The following NTN1 variants were observed in gnomAD, a reference collection of about 807,000 sequenced individuals.
NTN1 encodes the protein netrin-1.
NTN1 carries 11 observed loss-of-function variants against 54.2 expected under a neutral mutation model. The ratio of observed to expected loss-of-function variants is 0.20; its 90% CI spans 0.13 to 0.34. NTN1 has a LOEUF of 0.34. NTN1 is among the 10% of genes least tolerant of loss of function. The pLI is 1.00. For missense variants in NTN1, 740 were observed against 893.1 expected (o/e 0.83, Z 2.18); for synonymous variants, 371 against 382.0 (o/e 0.97, Z 0.33).
chr17:9,104,125 T>C (rs1160906689), intron 2 of NTN1, among the ~76,000 whole-genome samples: 1 of 145,710 alleles, frequency 6.9e-6, no homozygotes, highest in Non-Finnish European at 1.5e-5. Context: ...AAGTACCGTA[T>C]GATTCCACTT....
intron 5 of NTN1, among the ~76,000 whole-genome samples, chr17:9,189,903 G>A (rs946743479): frequency 6.6e-6 from 1 of 152,184 alleles, no homozygotes; most frequent in East Asian, 1.9e-4. Context: ...AGAACAGTTA[G>A]CAGAGCTCAG....
chr17:9,125,779 T>C (rs188438083), intron 2 of NTN1, among the ~76,000 whole-genome samples: 150 of 152,296 alleles, frequency 9.8e-4, no homozygotes, highest in Middle Eastern at 3.4e-3. Context: ...CTCTTTCATC[T>C]TTTTTTATAT....
At chr17:9,130,451 C>T (rs1260334335) in intron 2 of NTN1, among the ~76,000 whole-genome samples, 1 of 152,064 alleles carries the variant, frequency 6.6e-6, no homozygotes, top group Non-Finnish European at 1.5e-5. Flanking sequence ...TGAGAGGCCC[C>T]GTGTCTGTCC....
At chr17:9,064,992 A>G (rs1244741680) in intron 2 of NTN1, among the ~76,000 whole-genome samples, 2 of 152,244 alleles carry the variant, frequency 1.3e-5, no homozygotes, top group East Asian at 3.9e-4. Flanking sequence ...GCTGGAGTGC[A>G]GTGGTGCAAT....
rs958751843 is a variant in NTN1, at chr17:9,083,308, C to T, written c.1018+59917C>T. On this transcript the variant is annotated intron_variant, in intron 2 of 6. Transcript: ENST00000173229. ...GAAGGGTTTCACCATGTTGGCCAGG[C>T]TGGTCTCGAACTCCTGACCTCAGGT... is the stretch of plus-strand genomic sequence containing the variant. 5.9e-5 allele frequency among the ~76,000 whole-genome samples: 9 copies of T among 152,326 alleles called. No homozygotes were observed. In the South Asian group the frequency reaches 1.9e-3, roughly 32 times the overall value.
chr17:9,005,656 C>T, the NTN1 span, among the ~76,000 whole-genome samples: 2 of 152,302 alleles, frequency 1.3e-5, no homozygotes, highest in South Asian at 4.1e-4. Context: ...GTTCTATGTG[C>T]GTCACATATG....
chr17:9,068,007 G>A (rs946982756), intron 2 of NTN1, among the ~76,000 whole-genome samples: 3 of 152,176 alleles, frequency 2.0e-5, no homozygotes, highest in African/African-American at 7.2e-5. Context: ...TGAGGAGTTT[G>A]AGTCCAGCCT....
chr17:9,015,538 C>A, the NTN1 span, among the ~76,000 whole-genome samples: 4 of 152,192 alleles, frequency 2.6e-5, no homozygotes, highest in Non-Finnish European at 4.4e-5. Flanking sequence ...TCCCTCCTCA[C>A]AAACATTAGC....
intron 2 of NTN1, among the ~76,000 whole-genome samples, chr17:9,081,549 C>T (rs1044984807): frequency 6.6e-6 from 1 of 152,176 alleles, no homozygotes; most frequent in African/African-American, 2.4e-5. Flanking sequence ...CCTCCACCCC[C>T]AAACCCACCT....
At chr17:9,177,446 C>T (rs1358378706) in intron 3 of NTN1, 1 of 152,262 alleles carries the variant, frequency 6.6e-6, no homozygotes, top group Non-Finnish European at 1.5e-5. Flanking sequence ...CGTGCAGTGA[C>T]CGAGCAACCT....
intron 2 of NTN1, among the ~76,000 whole-genome samples, chr17:9,026,512 G>A (rs1461290981): frequency 6.6e-6 from 1 of 152,048 alleles, no homozygotes; most frequent in Non-Finnish European, 1.5e-5. Context: ...TGTATCAGCA[G>A]TGTTCACATG....
chr17:9,058,449 T>C (rs1178830527), intron 2 of NTN1, among the ~76,000 whole-genome samples: 2 of 151,254 alleles, frequency 1.3e-5, no homozygotes, highest in East Asian at 3.9e-4. Context: ...TAGGGAATTA[T>C]GTACGTTTCT....
At chr17:9,086,250 C>G (rs944283642) in intron 2 of NTN1, among the ~76,000 whole-genome samples, 8 of 152,164 alleles carry the variant, frequency 5.3e-5, no homozygotes, top group Admixed American at 2.0e-4. Flanking sequence ...TGCCTGTTGT[C>G]CCAGCTGCTG....
At position 9,239,602 on chromosome 17, in the gene NTN1, A is replaced by C. The variant is rs1403297464; in HGVS notation, c.1487-38A>C. On this transcript the variant is annotated intron_variant, in intron 6 of 6. Transcript: ENST00000173229. This position sits in a 1 kb window ranked among gnomAD's most constrained non-coding sequence, Gnocchi z 5.2. ...CAGGCAGGGCGGACCTAGCCACAGC[A>C]GCTGGGAGCCCACCCGTCTGCCTGT... The C allele has an allele frequency of 2.5e-6, 4 of 1,589,262 alleles. No individual in the cohort carries two copies. The highest frequency in any genetic ancestry group is 3.4e-6 in the Non-Finnish European group (4 of 1,161,952).
intron 2 of NTN1, among the ~76,000 whole-genome samples, chr17:9,061,168 G>T (rs2091997044): frequency 6.6e-6 from 1 of 152,152 alleles, no homozygotes; most frequent in African/African-American, 2.4e-5. Flanking sequence ...GAGCCCCATG[G>T]TTTCTAGGGA....
At chr17:9,126,491 A>C (rs1432450559) in intron 2 of NTN1, among the ~76,000 whole-genome samples, 1 of 152,100 alleles carries the variant, frequency 6.6e-6, no homozygotes, top group Non-Finnish European at 1.5e-5. Flanking sequence ...AGCCTGGGTG[A>C]CAAGAGCGAA....
At position 9,157,069 on chromosome 17, in the gene NTN1, C is replaced by A. The variant is rs543629149; in HGVS notation, c.1019-5744C>A. Among the ~76,000 whole-genome samples the A allele has an allele frequency of 5.3e-5, 8 of 151,892 alleles. No homozygotes were observed. The East Asian group carries it at 1.6e-3, about 30-fold the overall frequency. On this transcript the variant is annotated intron_variant, in intron 2 of 6. Transcript: ENST00000173229. ...TTCATCCTTCCATTCATTCATCCATCCATCTATCTTCTCTCTTGTTTGCTT... is the reference window on the plus strand; with the variant it reads ...TTCATCCTTCCATTCATTCATCCATACATCTATCTTCTCTCTTGTTTGCTT...
intron 2 of NTN1, among the ~76,000 whole-genome samples, chr17:9,118,117 G>A (rs1291211338): frequency 1.3e-5 from 2 of 152,212 alleles, no homozygotes; most frequent in African/African-American, 2.4e-5. Context: ...ACCTGTAAAA[G>A]GGGTATAATG....
intron 2 of NTN1, among the ~76,000 whole-genome samples, chr17:9,079,209 G>A (rs1236406439): frequency 6.6e-6 from 1 of 152,222 alleles, no homozygotes; most frequent in African/African-American, 2.4e-5. Context: ...GCTGTGCCAA[G>A]GGAGTAGAAC....
Sources: gnomAD v4.1 joint callset for allele counts (sites outside exome capture counted in the v4.1 genomes callset) on GRCh38, gnomAD v4.1.1 for gene constraint, Gnocchi (gnomAD v3.1) non-coding constraint, MANE v1.5 for transcripts, NCBI Gene and HGNC (gene_info 2026-07-23, HGNC 2026-07-21) for gene names.